SLC23A2: variants seen among roughly 807,000 people sequenced by gnomAD.
SLC23A2 encodes solute carrier family 23 member 2, also known as Na(+)/L-ascorbic acid transporter 2.
Under a neutral mutation model 73.3 loss-of-function variants are expected in SLC23A2, and 36 were observed. The ratio of observed to expected loss-of-function variants is 0.49; its 90% CI spans 0.38 to 0.65. The LOEUF (loss-of-function observed/expected upper bound fraction) is 0.65, where lower values mean the gene tolerates loss of function less well. SLC23A2 is among the 30% of genes least tolerant of loss of function. The pLI is 0.00. For missense variants in SLC23A2, 507 were observed against 841.6 expected (o/e 0.60, Z 4.92); for synonymous variants, 343 against 327.3 (o/e 1.05, Z -0.52).
intron 2 of SLC23A2, among the ~76,000 whole-genome samples, chr20:4,936,110 T>A (rs1361941813): frequency 6.6e-6 from 1 of 152,236 alleles, no homozygotes; most frequent in African/African-American, 2.4e-5. Flanking sequence ...AGAGTTGTCA[T>A]CATGTTTGTG....
At chr20:4,965,824 G>A (rs2087465654) in intron 2 of SLC23A2, among the ~76,000 whole-genome samples, 1 of 152,136 alleles carries the variant, frequency 6.6e-6, no homozygotes, top group African/African-American at 2.4e-5. Flanking sequence ...AAAATTAGCT[G>A]AGCGTGGTGG....
chr20:4,887,648 T>C lies in SLC23A2; in HGVS notation c.483-1739A>G, dbSNP rs1156754280. The stretch of plus-strand genomic sequence containing the variant: ...CTAGGACTAAAGGTCCCGAGAGCGC[T>C]GCTGTAAAGATACTTGCTCATTTGC... On this transcript the variant is annotated intron_variant, in intron 6 of 16. Coordinates refer to ENST00000338244, the MANE Select transcript of SLC23A2 (RefSeq NM_005116.6). Among the ~76,000 whole-genome samples, 3 of 152,206 alleles carry C rather than the reference T, an allele frequency of 2.0e-5. No individual in the cohort carries two copies. In the East Asian group the frequency reaches 5.8e-4, roughly 29 times the overall value.
intron 3 of SLC23A2, among the ~76,000 whole-genome samples, chr20:4,914,395 T>A (rs990973622): frequency 6.6e-6 from 1 of 152,266 alleles, no homozygotes; most frequent in African/African-American, 2.4e-5. Flanking sequence ...ATTAAAATTT[T>A]ATTTTAAAAA....
rs1931771490 is a variant in SLC23A2 at position 4,902,213 on chromosome 20, A to G, written c.324+229T>C. ...GAGATGGACTTTTGCCATGTTACCC[A>G]GGCTGGTCTTGAGCTCCTAGGCTCC... On this transcript the variant is annotated intron_variant, in intron 5 of 16. Coordinates refer to ENST00000338244, the MANE Select transcript of SLC23A2 (RefSeq NM_005116.6). This position sits in a 1 kb window ranked among gnomAD's most constrained non-coding sequence, Gnocchi z 4.0. Among the ~76,000 whole-genome samples the G allele has an allele frequency of 1.3e-5, 2 of 152,204 alleles. No homozygotes were observed. Among genetic ancestry groups the G allele is most frequent in the African/African-American group, 4.8e-5 (2 of 41,458 alleles).
intron 3 of SLC23A2, among the ~76,000 whole-genome samples, chr20:4,916,578 A>C (rs1932329070): frequency 6.6e-6 from 1 of 152,178 alleles, no homozygotes; most frequent in African/African-American, 2.4e-5. Context: ...TATACATGGC[A>C]CTAAGAAGAT....
intron 9 of SLC23A2, among the ~76,000 whole-genome samples, chr20:4,879,880 A>T (rs919787529): frequency 3.3e-5 from 5 of 152,216 alleles, no homozygotes; most frequent in African/African-American, 4.8e-5. Flanking sequence ...TGTGACATTT[A>T]AAAAACAAAT....
At chr20:4,940,432 T>C (rs935273217) in intron 2 of SLC23A2, among the ~76,000 whole-genome samples, 1 of 151,538 alleles carries the variant, frequency 6.6e-6, no homozygotes, top group Non-Finnish European at 1.5e-5. Context: ...GTTCAACAAG[T>C]ATGAAAACAA....
chr20:4,981,473 G>A (rs2087724488), intron 1 of SLC23A2, among the ~76,000 whole-genome samples: 2 of 152,224 alleles, frequency 1.3e-5, no homozygotes, highest in South Asian at 4.1e-4. Context: ...AAGTGCTCGG[G>A]CTGAATTTCT....
intron 1 of SLC23A2, among the ~76,000 whole-genome samples, chr20:4,984,331 G>C (rs1171046040): frequency 6.6e-6 from 1 of 152,064 alleles, no homozygotes; most frequent in Non-Finnish European, 1.5e-5. Flanking sequence ...GAGGCGGGTG[G>C]ATCACAAGGT....
At chr20:4,891,291 T>C (rs2122846774) in intron 6 of SLC23A2, among the ~76,000 whole-genome samples, 1 of 152,308 alleles carries the variant, frequency 6.6e-6, no homozygotes, top group South Asian at 2.1e-4. Context: ...TAAACTTTCA[T>C]GTAACAAGAG....
At chr20:4,869,561 C>A in intron 12 of SLC23A2, 1 of 220,020 alleles carries the variant, frequency 4.5e-6, no homozygotes, top group South Asian at 8.8e-5. Flanking sequence ...ACACACACAC[C>A]CCAAAAAAAG....
intron 9 of SLC23A2, among the ~76,000 whole-genome samples, chr20:4,877,027 G>A (rs1297514464): frequency 6.6e-6 from 1 of 152,008 alleles, no homozygotes; most frequent in Non-Finnish European, 1.5e-5. Context: ...CCAGGGGACG[G>A]GGGAGGGATA....
At chr20:4,892,635 A>G (rs1290874859) in intron 6 of SLC23A2, among the ~76,000 whole-genome samples, 4 of 152,254 alleles carry the variant, frequency 2.6e-5, no homozygotes, top group African/African-American at 9.6e-5. Context: ...TCACCTACAC[A>G]GTAATTTTGG....
intron 4 of SLC23A2, among the ~76,000 whole-genome samples, chr20:4,908,963 G>T (rs1715387): frequency 0.075 from 11,377 of 152,232 alleles, 480 homozygotes; most frequent in Middle Eastern, 0.13. Flanking sequence ...ATAAAACAAA[G>T]AGAATGTCTT....
chr20:4,961,370 C>T (rs2087387002), intron 2 of SLC23A2, among the ~76,000 whole-genome samples: 2 of 152,124 alleles, frequency 1.3e-5, no homozygotes, highest in Non-Finnish European at 2.9e-5. Context: ...GCGTGAGCCA[C>T]CACGCCTGGC....
At chr20:4,910,408 G>T (rs777603550) in intron 4 of SLC23A2, among the ~76,000 whole-genome samples, 1 of 151,386 alleles carries the variant, frequency 6.6e-6, no homozygotes, top group African/African-American at 2.4e-5. Context: ...CCCGCTGAGG[G>T]TCTGGCTTAA....
chr20:4,979,563 T>G (rs1164141563), intron 1 of SLC23A2, among the ~76,000 whole-genome samples: 1 of 151,962 alleles, frequency 6.6e-6, no homozygotes, highest in South Asian at 2.1e-4. Context: ...TCTAAATATA[T>G]GAAAAAAATA....
rs1454424938 is a variant in SLC23A2 at position 4,899,424 on chromosome 20, G to A, written c.482+131C>T. 2.5e-5 allele frequency: 25 copies of A among 1,014,696 alleles called. No homozygotes were observed. Among genetic ancestry groups the A allele is most frequent in the Non-Finnish European group, 3.3e-5 (22 of 667,148 alleles). 62.9% of individuals were successfully genotyped at this position (1,014,696 alleles called of 1,614,324 possible). On this transcript the variant is annotated intron_variant, in intron 6 of 16. Coordinates refer to ENST00000338244, the MANE Select transcript of SLC23A2 (RefSeq NM_005116.6). The surrounding 1 kb of genome is among the most constrained non-coding windows in gnomAD (Gnocchi z 4.9). ...GGAACACTGAGGGGTGGGGACCAAC[G>A]GCCACTAGGACATTCCCGTGCCTCC... is the stretch of plus-strand genomic sequence containing the variant.
intron 1 of SLC23A2, among the ~76,000 whole-genome samples, chr20:4,978,282 CTG>C (rs2122253051): frequency 6.6e-6 from 1 of 152,224 alleles, no homozygotes; most frequent in East Asian, 1.9e-4. Context: ...CCTTCATAAA[CTG>C]TGCCTTTGCG....
Sources: gnomAD v4.1 joint callset for allele counts (sites outside exome capture counted in the v4.1 genomes callset) on GRCh38, gnomAD v4.1.1 for gene constraint, Gnocchi (gnomAD v3.1) non-coding constraint, MANE v1.5 for transcripts, NCBI Gene and HGNC (gene_info 2026-07-23, HGNC 2026-07-21) for gene names.